The following DNAH14 variants were observed in gnomAD, a reference collection of about 807,000 sequenced individuals.
DNAH14 encodes dynein axonemal heavy chain 14.
In DNAH14, 478 loss-of-function variants were observed where a neutral mutation model predicts 520.9. The ratio of observed to expected loss-of-function variants is 0.92; its 90% confidence interval spans 0.85 to 0.99. The LOEUF (loss-of-function observed/expected upper bound fraction) is 0.99, where lower values mean the gene tolerates loss of function less well. DNAH14 is among the 50% of genes least tolerant of loss of function. The pLI is 0.00. For missense variants in DNAH14, 4,831 were observed against 5,234.5 expected (o/e 0.92, Z 2.38); for synonymous variants, 1,581 against 1,757.2 (o/e 0.90, Z 2.51).
chr1:225,292,248 T>C (rs1425843702), intron 55 of DNAH14, among the ~76,000 whole-genome samples: 1 of 152,192 alleles, frequency 6.6e-6, no homozygotes, highest in South Asian at 2.1e-4. Context: ...TACATTTAGC[T>C]CTTTAATTAA....
chr1:225,131,886 A>G (rs530687490), intron 27 of DNAH14, among the ~76,000 whole-genome samples: 1 of 152,154 alleles, frequency 6.6e-6, no homozygotes, highest in Non-Finnish European at 1.5e-5. Context: ...AGGGACAAGG[A>G]AAGACTCCAA....
chr1:225,290,762 A>C (rs577500485), intron 55 of DNAH14, among the ~76,000 whole-genome samples: 1 of 148,230 alleles, frequency 6.7e-6, no homozygotes, highest in Non-Finnish European at 1.5e-5. Context: ...TTAAATTGAC[A>C]TGATAATTGT....
intron 11 of DNAH14, among the ~76,000 whole-genome samples, chr1:225,036,665 G>T (rs2066993695): frequency 6.6e-6 from 1 of 152,274 alleles, no homozygotes; most frequent in South Asian, 2.1e-4. Context: ...GGGGTCCATT[G>T]TATGAGGGTG....
At chr1:225,201,208 G>T (rs558875917) in intron 38 of DNAH14, among the ~76,000 whole-genome samples, 7 of 151,868 alleles carry the variant, frequency 4.6e-5, no homozygotes, top group African/African-American at 1.7e-4. Context: ...ACTGTTTCCT[G>T]AAGTTTCTAT....
chr1:225,219,023 T>TGGA (rs150229767), intron 41 of DNAH14, among the ~76,000 whole-genome samples: 7,410 of 152,218 alleles, frequency 0.049, 280 homozygotes, highest in Non-Finnish European at 0.072. Context: ...CACAACTACA[T>TGGA]GGAAACTGAA....
chr1:225,094,161 A>G (rs2074670112), intron 21 of DNAH14, among the ~76,000 whole-genome samples: 1 of 152,130 alleles, frequency 6.6e-6, no homozygotes, highest in African/African-American at 2.4e-5. Flanking sequence ...AAAAGAGCCC[A>G]AATAGCCAAG....
rs2095929301 is a variant in DNAH14 at position 225,392,390 on chromosome 1, A to G, written c.13430A>G (p.Lys4477Arg). The G allele has an allele frequency of 6.4e-7, 1 of 1,552,080 alleles. No individual in the cohort carries two copies. Among genetic ancestry groups the G allele is most frequent in the Non-Finnish European group, 8.7e-7 (1 of 1,147,116 alleles). The change falls in exon 84 of 86, where the codon AAG (lysine) becomes AGG (arginine). Residue 4477 changes from lysine (K) to arginine (R), a missense_variant. Lys to Arg is a conservative substitution (Grantham distance 26). Transcript: ENST00000682510. ...CATGTGATTTCCAACACCACTGACA[A>G]GGATGAGAAGTTCTCCGTATTTATG... ...THHVISNTTD[K>R]DEKFSVFMPK...
intron 37 of DNAH14, among the ~76,000 whole-genome samples, chr1:225,190,320 C>A (rs2085269739): frequency 6.6e-6 from 1 of 151,880 alleles, no homozygotes; most frequent in African/African-American, 2.4e-5. Context: ...TGTATTCACC[C>A]TTCTTCTTGT....
chr1:225,344,842 G>C (rs903847137), intron 69 of DNAH14, among the ~76,000 whole-genome samples: 5 of 152,070 alleles, frequency 3.3e-5, no homozygotes, highest in African/African-American at 4.8e-5. Flanking sequence ...AGCCTCCCAA[G>C]TAGCTGGGAC....
chr1:225,176,323 G>A (rs1314070886), intron 36 of DNAH14, among the ~76,000 whole-genome samples: 1 of 151,986 alleles, frequency 6.6e-6, no homozygotes, highest in Non-Finnish European at 1.5e-5. Flanking sequence ...ATACTTGATT[G>A]GATTTCCATT....
Position 225,181,467 on chromosome 1 carries a change from T to C in DNAH14, c.5536-3824T>C, listed in dbSNP as rs191348766. On this transcript the variant is annotated intron_variant, in intron 36 of 85. Transcript: ENST00000682510. Reference sequence around the variant, plus strand: ...CCAACAGTGTATAAGTATGCCCTTTTCTCTACAGCATCACCAGCATATGTT... The same window carrying C: ...CCAACAGTGTATAAGTATGCCCTTTCCTCTACAGCATCACCAGCATATGTT... 3.3e-5 allele frequency among the ~76,000 whole-genome samples: 5 copies of C among 152,336 alleles called. No homozygotes were observed. In the East Asian group the frequency reaches 9.7e-4, roughly 29 times the overall value.
intron 2 of DNAH14, chr1:224,953,086 T>G (rs1290069581): frequency 5.1e-6 from 1 of 196,924 alleles, no homozygotes; most frequent in Non-Finnish European, 1.0e-5. Context: ...AGGTATCATT[T>G]GTAACAGTAT....
intron 36 of DNAH14, among the ~76,000 whole-genome samples, chr1:225,179,949 C>T (rs2083775116): frequency 6.6e-6 from 1 of 151,966 alleles, no homozygotes; most frequent in Non-Finnish European, 1.5e-5. Context: ...CTGCCTCTGG[C>T]CTGTAAGGTT....
chr1:224,936,180 A>T (rs1171775898), intron 1 of DNAH14, among the ~76,000 whole-genome samples: 1 of 151,922 alleles, frequency 6.6e-6, no homozygotes, highest in East Asian at 1.9e-4. Context: ...GAACAAACCA[A>T]ACCCCAAATT....
At chr1:225,120,446 A>G (rs188021571) in intron 26 of DNAH14, among the ~76,000 whole-genome samples, 26 of 152,366 alleles carry the variant, frequency 1.7e-4, no homozygotes, top group African/African-American at 6.0e-4. Context: ...GTAATTTCTA[A>G]TCTTGTAGAT....
At chr1:225,292,439 T>G (rs1304788296) in intron 55 of DNAH14, among the ~76,000 whole-genome samples, 1 of 152,194 alleles carries the variant, frequency 6.6e-6, no homozygotes, top group Non-Finnish European at 1.5e-5. Flanking sequence ...GGGTACTCTA[T>G]TCTATTCCAT....
intron 17 of DNAH14, among the ~76,000 whole-genome samples, chr1:225,067,547 C>T (rs765458187): frequency 6.6e-6 from 1 of 152,074 alleles, no homozygotes; most frequent in Non-Finnish European, 1.5e-5. Flanking sequence ...GCCACGCTGT[C>T]TTCTACAATG....
chr1:225,088,983 G>T (rs1461739797), intron 21 of DNAH14, among the ~76,000 whole-genome samples: 1 of 152,158 alleles, frequency 6.6e-6, no homozygotes, highest in Non-Finnish European at 1.5e-5. Context: ...GAATAGTCTT[G>T]ACCCAGATGG....
chr1:224,944,254 C>A (rs1167253276), intron 1 of DNAH14, among the ~76,000 whole-genome samples: 1 of 152,146 alleles, frequency 6.6e-6, no homozygotes, highest in Non-Finnish European at 1.5e-5. Context: ...ATGTAATGGC[C>A]TTCTTTGTCT....
Sources: allele counts gnomAD v4.1 joint callset (sites outside exome capture counted in the v4.1 genomes callset), GRCh38; gene constraint gnomAD v4.1.1; transcripts MANE v1.5; gene names NCBI Gene and HGNC (gene_info 2026-07-23, HGNC 2026-07-21).